Variants in FAM107B observed in about 807,000 individuals in gnomAD.
FAM107B encodes family with sequence similarity 107 member B.
FAM107B carries 21 observed loss-of-function variants against 31.5 expected under a neutral mutation model. That is an observed-to-expected ratio of 0.67 (90% CI 0.47 to 0.96). The LOEUF (loss-of-function observed/expected upper bound fraction) is 0.96. FAM107B is among the 40% of genes least tolerant of loss of function. FAM107B has a pLI of 0.00. For missense variants in FAM107B, 452 were observed against 377.1 expected (o/e 1.20, Z -1.64); for synonymous variants, 157 against 141.5 (o/e 1.11, Z -0.78).
chr10:14,584,667 G>T (rs1319850422), intron 2 of FAM107B, among the ~76,000 whole-genome samples: 1 of 152,160 alleles, frequency 6.6e-6, no homozygotes, highest in Non-Finnish European at 1.5e-5. Context: ...GGAGAATAGG[G>T]GCTGGAGGCA....
chr10:14,694,414 G>T (rs1316768106), intron 1 of FAM107B, among the ~76,000 whole-genome samples: 1 of 152,040 alleles, frequency 6.6e-6, no homozygotes, highest in East Asian at 1.9e-4. Flanking sequence ...ATGGAGTTTT[G>T]CTCTTGTTGC....
intron 2 of FAM107B, among the ~76,000 whole-genome samples, chr10:14,567,461 G>A (rs899136689): frequency 6.6e-6 from 1 of 152,084 alleles, no homozygotes; most frequent in East Asian, 1.9e-4. Context: ...AGTCATTATG[G>A]AGAGGAAGAG....
intron 2 of FAM107B, among the ~76,000 whole-genome samples, chr10:14,579,577 G>A (rs1371396773): frequency 6.6e-6 from 1 of 152,188 alleles, no homozygotes; most frequent in Non-Finnish European, 1.5e-5. Flanking sequence ...TTCTACTTAA[G>A]CAAATCCAGA....
chr10:14,702,759 A>C (rs1371319454), intron 1 of FAM107B, among the ~76,000 whole-genome samples: 1 of 152,184 alleles, frequency 6.6e-6, no homozygotes, highest in Non-Finnish European at 1.5e-5. Context: ...GAGTACAGCG[A>C]AGTCCACCCC....
At chr10:14,616,823 G>A (rs1418532481) in intron 2 of FAM107B, among the ~76,000 whole-genome samples, 4 of 152,146 alleles carry the variant, frequency 2.6e-5, no homozygotes, top group Admixed American at 6.5e-5. Context: ...TACTTCAGAG[G>A]CTGAGGTGGG....
chr10:14,527,323 CAA>C (rs1846381471), intron 3 of FAM107B, among the ~76,000 whole-genome samples: 1 of 152,142 alleles, frequency 6.6e-6, no homozygotes, highest in South Asian at 2.1e-4. Context: ...AGCTGGGTTC[CAA>C]AGACAGTAAA....
chr10:14,637,169 C>T (rs1853520897), intron 2 of FAM107B, among the ~76,000 whole-genome samples: 1 of 152,134 alleles, frequency 6.6e-6, no homozygotes, highest in African/African-American at 2.4e-5. Flanking sequence ...CTCAAGGTCT[C>T]GGCTTCACGA....
At chr10:14,564,158 G>A (rs1384528924) in intron 2 of FAM107B, among the ~76,000 whole-genome samples, 2 of 152,062 alleles carry the variant, frequency 1.3e-5, no homozygotes, top group African/African-American at 4.8e-5. Context: ...TTAAAACAGT[G>A]TAAAGGGGTC....
rs946611849 is a variant in FAM107B at position 14,600,639 on chromosome 10, T to C, written c.469+66995A>G. 2.6e-5 allele frequency among the ~76,000 whole-genome samples: 4 copies of C among 152,148 alleles called. No individual in the cohort carries two copies. The South Asian group carries it at 6.2e-4, about 24-fold the overall frequency. On this transcript the variant is annotated intron_variant, in intron 2 of 4. Transcript: ENST00000181796. ...ATTTTGTATAATTCTTTTTTATGTA[T>C]ATGTATATGTATTTTTTAGCGACAG...
chr10:14,661,678 C>T (rs763530049), intron 2 of FAM107B: 3 of 152,148 alleles, frequency 2.0e-5, no homozygotes, highest in Non-Finnish European at 2.9e-5. Flanking sequence ...CATAATAAAT[C>T]TCCTTCTATA....
chr10:14,639,841 C>T (rs551642023), intron 2 of FAM107B, among the ~76,000 whole-genome samples: 1 of 152,324 alleles, frequency 6.6e-6, no homozygotes, highest in East Asian at 1.9e-4. Flanking sequence ...GCATGACTTG[C>T]ACCTTCCTCC....
intron 2 of FAM107B, among the ~76,000 whole-genome samples, chr10:14,634,275 C>CTA (rs951009627): frequency 2.6e-5 from 4 of 151,990 alleles, no homozygotes; most frequent in African/African-American, 9.7e-5. Flanking sequence ...TGGCGGGTGC[C>CTA]TATAGTCCCA....
intron 2 of FAM107B, among the ~76,000 whole-genome samples, chr10:14,604,922 C>A (rs953658336): frequency 1.3e-5 from 2 of 152,074 alleles, no homozygotes; most frequent in African/African-American, 4.8e-5. Flanking sequence ...CTTTCTCTCT[C>A]TGTGCTCACC....
intron 2 of FAM107B, among the ~76,000 whole-genome samples, chr10:14,617,265 C>A (rs1312219751): frequency 1.3e-5 from 2 of 152,172 alleles, no homozygotes; most frequent in Non-Finnish European, 2.9e-5. Context: ...TCCTGCTCTG[C>A]ACCTTGCTAG....
In FAM107B at chr10:14,628,112, G is replaced by GTTTTTTTTTTTTTTTTTTTTTTTTTTTTT. The variant is rs71505033; in HGVS notation, c.469+39521_469+39522insAAAAAAAAAAAAAAAAAAAAAAAAAAAAA. Among the ~76,000 whole-genome samples the GTTTTTTTTTTTTTTTTTTTTTTTTTTTTT allele has an allele frequency of 3.2e-4, 30 of 92,682 alleles. 1 individual carries two copies. Among genetic ancestry groups the GTTTTTTTTTTTTTTTTTTTTTTTTTTTTT allele is most frequent in the South Asian group, 4.6e-4 (1 of 2,188 alleles). The allele number at this position is 92,682 out of a possible 152,430, so 60.8% of individuals were successfully genotyped here. On this transcript the variant is annotated intron_variant, in intron 2 of 4. Transcript: ENST00000181796. ...TCCTTGTTTGTTTTTTGTTTTGCTG[G>GTTTTTTTTTTTTTTTTTTTTTTTTTTTTT]TTTTTTTTTTTTTTTTTTTTTGAGA...
At chr10:14,607,785 C>T (rs1852630652) in intron 2 of FAM107B, among the ~76,000 whole-genome samples, 1 of 152,174 alleles carries the variant, frequency 6.6e-6, no homozygotes, top group South Asian at 2.1e-4. Flanking sequence ...TACTGATTTC[C>T]CTTACATTAC....
At chr10:14,629,094 T>C (rs1853250176) in intron 2 of FAM107B, among the ~76,000 whole-genome samples, 2 of 148,848 alleles carry the variant, frequency 1.3e-5, no homozygotes, top group South Asian at 4.2e-4. Context: ...AAACTAAATA[T>C]ATAAAATTTA....
At chr10:14,740,369 T>C (rs1468322859) in intron 1 of FAM107B, among the ~76,000 whole-genome samples, 2 of 152,186 alleles carry the variant, frequency 1.3e-5, no homozygotes, top group East Asian at 1.9e-4. Flanking sequence ...GGATACATAC[T>C]GTATGATTCC....
At chr10:14,736,074 A>G (rs924950427) in intron 1 of FAM107B, among the ~76,000 whole-genome samples, 1 of 152,184 alleles carries the variant, frequency 6.6e-6, no homozygotes, top group Non-Finnish European at 1.5e-5. Context: ...CGAGCAGATA[A>G]CAAAGATGGA....
Sources: allele counts gnomAD v4.1 joint callset (sites outside exome capture counted in the v4.1 genomes callset), GRCh38; gene constraint gnomAD v4.1.1; transcripts MANE v1.5; gene names NCBI Gene and HGNC (gene_info 2026-07-23, HGNC 2026-07-21).